PDE11A: variants seen among roughly 807,000 people sequenced by gnomAD.
PDE11A encodes the protein dual 3',5'-cyclic-AMP and -GMP phosphodiesterase 11A.
In PDE11A, 100 loss-of-function variants were observed where a neutral mutation model predicts 100.5. The observed-to-expected ratio is 1.00, with a 90% CI of 0.85 to 1.18. The LOEUF (loss-of-function observed/expected upper bound fraction) is 1.18. Ranked by LOEUF, PDE11A falls within the 50% of genes most tolerant of loss-of-function variation. The pLI, the probability that PDE11A is intolerant of heterozygous loss-of-function variation, is 0.00. For synonymous variants in PDE11A, 381 were observed against 420.8 expected (o/e 0.91, Z 1.16); for missense variants, 1,141 against 1,152.6 (o/e 0.99, Z 0.15).
intron 10 of PDE11A, among the ~76,000 whole-genome samples, chr2:177,742,820 A>G (rs146713645): frequency 6.6e-6 from 1 of 152,360 alleles, no homozygotes; most frequent in Non-Finnish European, 1.5e-5. Context: ...GGTCTGAAGA[A>G]AAGCTCCATT....
At chr2:177,668,760 T>C (rs2080628335) in intron 18 of PDE11A, among the ~76,000 whole-genome samples, 1 of 152,198 alleles carries the variant, frequency 6.6e-6, no homozygotes, top group East Asian at 1.9e-4. Context: ...AATTGATACC[T>C]TCCTTGAGTA....
chr2:177,832,942 T>C (rs58585905), intron 6 of PDE11A, among the ~76,000 whole-genome samples: 14,704 of 152,184 alleles, frequency 0.097, 740 homozygotes, highest in Middle Eastern at 0.15. Context: ...AACAGCGCAC[T>C]TGATTTCTCA....
intron 19 of PDE11A, among the ~76,000 whole-genome samples, chr2:177,644,229 T>A (rs563805465): frequency 4.7e-4 from 71 of 152,340 alleles, no homozygotes; most frequent in African/African-American, 1.7e-3. Context: ...AGATTCTCAA[T>A]GCCAGCCCAT....
intron 1 of PDE11A, among the ~76,000 whole-genome samples, chr2:178,049,551 G>C (rs1213065760): frequency 6.6e-6 from 1 of 152,190 alleles, no homozygotes; most frequent in Non-Finnish European, 1.5e-5. Context: ...GCAGGGCAAG[G>C]CATCGCCTCA....
intron 2 of PDE11A, chr2:177,997,586 G>A (rs996729686): frequency 8.5e-6 from 8 of 936,704 alleles, no homozygotes; most frequent in Non-Finnish European, 1.4e-5. Flanking sequence ...TGTTTCACCT[G>A]GAGAGCTAAG....
At chr2:177,753,290 T>C (rs900236405) in intron 10 of PDE11A, among the ~76,000 whole-genome samples, 1 of 152,204 alleles carries the variant, frequency 6.6e-6, no homozygotes, top group Non-Finnish European at 1.5e-5. Context: ...TTTTATGACA[T>C]GTTCTTTTCA....
At chr2:177,735,402 A>G (rs111870211) in intron 10 of PDE11A, among the ~76,000 whole-genome samples, 8 of 141,032 alleles carry the variant, frequency 5.7e-5, no homozygotes, top group African/African-American at 1.6e-4. Flanking sequence ...TGATTCGTGG[A>G]AAAAAAAAAC....
chr2:177,652,140 G>A (rs1177225393), intron 19 of PDE11A, among the ~76,000 whole-genome samples: 1 of 152,202 alleles, frequency 6.6e-6, no homozygotes, highest in African/African-American at 2.4e-5. Flanking sequence ...ACACACTGCT[G>A]CTGCAGCTTG....
At chr2:177,634,227 G>A (rs1263509780) in intron 19 of PDE11A, among the ~76,000 whole-genome samples, 3 of 152,128 alleles carry the variant, frequency 2.0e-5, no homozygotes, top group Non-Finnish European at 4.4e-5. Flanking sequence ...AGAAATTGGG[G>A]AGGGAGGAGG....
intron 12 of PDE11A, among the ~76,000 whole-genome samples, chr2:177,718,276 C>G (rs2081473312): frequency 6.6e-6 from 1 of 152,194 alleles, no homozygotes; most frequent in Non-Finnish European, 1.5e-5. Flanking sequence ...GGTTACAAGA[C>G]TACAAAGTAA....
chr2:177,793,142 C>G (rs1055459313), intron 9 of PDE11A, among the ~76,000 whole-genome samples: 3 of 152,198 alleles, frequency 2.0e-5, no homozygotes, highest in Admixed American at 1.3e-4. Flanking sequence ...GAGCTGGGCA[C>G]AGGCCTAGTC....
At chr2:178,080,749 G>A (rs59553460) in intron 2 of PDE11A, among the ~76,000 whole-genome samples, 14,241 of 151,926 alleles carry the variant, frequency 0.094, 713 homozygotes, top group Middle Eastern at 0.13. Context: ...AGTCTCATCT[G>A]TTATTTATGG....
intron 19 of PDE11A, among the ~76,000 whole-genome samples, chr2:177,651,763 A>C (rs2080312478): frequency 6.6e-6 from 1 of 152,178 alleles, no homozygotes; most frequent in Non-Finnish European, 1.5e-5. Flanking sequence ...TATTGAATCA[A>C]AGACTTGGAG....
intron 9 of PDE11A, among the ~76,000 whole-genome samples, chr2:177,779,305 A>G (rs57342997): frequency 0.33 from 49,594 of 152,064 alleles, 8,418 homozygotes; most frequent in East Asian, 0.37. Flanking sequence ...AGGGCTGCTG[A>G]TAGATCAGTG....
intron 2 of PDE11A, among the ~76,000 whole-genome samples, chr2:178,000,928 A>G (rs2086137366): frequency 6.6e-6 from 1 of 152,194 alleles, no homozygotes; most frequent in African/African-American, 2.4e-5. Flanking sequence ...TGAAGATGCA[A>G]CAGTAGGAAA....
rs75437367 is a variant in PDE11A at position 177,893,215 on chromosome 2, C to T, written c.1302+4843G>A. Among the ~76,000 whole-genome samples, 1,471 of 152,296 alleles carry T rather than the reference C, an allele frequency of 9.7e-3. 30 individuals are homozygous for T. The highest frequency in any genetic ancestry group is 0.034 in the African/African-American group (1,418 of 41,552). On this transcript the variant is annotated intron_variant, in intron 4 of 19. Transcript: ENST00000286063. ...ACTGTTTTGTTCATAATTTTAGGTTCTGATTCATTCAAGCCTTTAGGAAAA... is the reference window on the plus strand; with the variant it reads ...ACTGTTTTGTTCATAATTTTAGGTTTTGATTCATTCAAGCCTTTAGGAAAA...
At chr2:177,922,666 C>A in intron 2 of PDE11A, 1 of 983,002 alleles carries the variant, frequency 1.0e-6, no homozygotes, top group Non-Finnish European at 1.2e-6. Flanking sequence ...TTCCTTTAAT[C>A]ATCACTTCCC....
chr2:178,104,412 G>C, exon 2 of PDE11A: 1 of 1,613,904 alleles, frequency 6.2e-7, no homozygotes, highest in African/African-American at 1.3e-5. Context: ...TTTTTCCACT[G>C]TGTGGCACTG....
At chr2:177,673,422 C>T (rs1457464862) in intron 17 of PDE11A, among the ~76,000 whole-genome samples, 2 of 152,210 alleles carry the variant, frequency 1.3e-5, no homozygotes, top group Non-Finnish European at 2.9e-5. Flanking sequence ...TAGAACACCT[C>T]ACAGTGAGTA....
Sources: gnomAD v4.1 joint callset for allele counts (sites outside exome capture counted in the v4.1 genomes callset) on GRCh38, gnomAD v4.1.1 for gene constraint, MANE v1.5 for transcripts, NCBI Gene and HGNC (gene_info 2026-07-23, HGNC 2026-07-21) for gene names.